HS6ST2: variants seen among roughly 807,000 people sequenced by gnomAD.
HS6ST2 encodes heparan sulfate 6-O-sulfotransferase 2.
Under a neutral mutation model 33.0 loss-of-function variants are expected in HS6ST2, and 17 were observed. That is an observed-to-expected ratio of 0.52 (90% confidence interval 0.35 to 0.77). HS6ST2 has a LOEUF of 0.77. Ranked by LOEUF, HS6ST2 falls within the 30% of genes least tolerant of loss-of-function variation. The pLI, the probability that HS6ST2 is intolerant of heterozygous loss-of-function variation, is 0.01. For synonymous variants in HS6ST2, 248 were observed against 237.1 expected (o/e 1.05, Z -0.42); for missense variants, 519 against 551.7 (o/e 0.94, Z 0.59).
At chrX:132,692,740 A>G (rs2064076568) in intron 3 of HS6ST2, among the ~76,000 whole-genome samples, 1 of 112,024 alleles carries the variant, frequency 8.9e-6, no homozygotes, top group Non-Finnish European at 1.9e-5. Context: ...CTACAGCCTC[A>G]GGCAACAACA....
At chrX:132,812,405 A>AAATAATAATAAC (rs373934376) in intron 2 of HS6ST2, among the ~76,000 whole-genome samples, 11,713 of 84,845 alleles carry the variant, frequency 0.14, 714 homozygotes, top group Non-Finnish European at 0.17. Flanking sequence ...ACTCTGTCTC[A>AAATAATAATAAC]AATAATAATA....
chrX:132,803,808 C>T (rs766104809), intron 2 of HS6ST2, among the ~76,000 whole-genome samples: 14 of 111,946 alleles, frequency 1.3e-4, no homozygotes, highest in South Asian at 3.8e-4. Context: ...CTATAACATA[C>T]GTATACAAAT....
rs59348727 is a variant in HS6ST2, at chrX:132,723,980, C to CA, written c.948-15487dup. The stretch of plus-strand genomic sequence containing the variant: ...TGAAACCCCATCTCTACTAAAAATA[C>CA]AAAAAAAAAATTAGCCAGGTGTGGT... On this transcript the variant is annotated intron_variant, in intron 2 of 4. Coordinates refer to ENST00000370833, the MANE Select transcript of HS6ST2 (RefSeq NM_001394073.1). 7.4e-3 allele frequency among the ~76,000 whole-genome samples: 789 copies of CA among 106,832 alleles called. 5 individuals carry two copies. Among genetic ancestry groups the CA allele is most frequent in the African/African-American group, 0.025 (723 of 29,408 alleles). 92.8% of individuals were successfully genotyped at this position (106,832 alleles called of 115,157 possible).
At chrX:132,881,324 T>C (rs1316462403) in intron 2 of HS6ST2, among the ~76,000 whole-genome samples, 1 of 111,157 alleles carries the variant, frequency 9.0e-6, no homozygotes, top group African/African-American at 3.3e-5. Context: ...CCATTCTAAC[T>C]GGTGTGAGAT....
chrX:132,854,405 G>A (rs1358946292), intron 2 of HS6ST2, among the ~76,000 whole-genome samples: 1 of 112,696 alleles, frequency 8.9e-6, no homozygotes, highest in Non-Finnish European at 1.9e-5. Flanking sequence ...CCTGGTATCT[G>A]CTTCTAACAA....
intron 2 of HS6ST2, among the ~76,000 whole-genome samples, chrX:132,927,752 G>A (rs191135346): frequency 9.1e-6 from 1 of 110,151 alleles, no homozygotes; most frequent in Non-Finnish European, 1.9e-5. Flanking sequence ...AGCTACTCTG[G>A]AGGCTGAGAG....
intron 4 of HS6ST2, among the ~76,000 whole-genome samples, chrX:132,639,780 A>G (rs1370217994): frequency 8.9e-6 from 1 of 111,759 alleles, no homozygotes; most frequent in Non-Finnish European, 1.9e-5. Context: ...GCTCCATGCC[A>G]CAGTGGATGG....
At chrX:132,807,933 G>T (rs1363957153) in intron 2 of HS6ST2, among the ~76,000 whole-genome samples, 1 of 111,816 alleles carries the variant, frequency 8.9e-6, no homozygotes, top group Non-Finnish European at 1.9e-5. Context: ...CCAAAGGAAA[G>T]CCTCCTGAAA....
chrX:132,655,525 G>C (rs1444968382), intron 4 of HS6ST2, among the ~76,000 whole-genome samples: 1 of 111,359 alleles, frequency 9.0e-6, no homozygotes, highest in Non-Finnish European at 1.9e-5. Context: ...CTAGAGCTGG[G>C]ATAGAAATAC....
intron 4 of HS6ST2, among the ~76,000 whole-genome samples, chrX:132,647,622 A>G (rs1045138194): frequency 2.9e-4 from 32 of 112,246 alleles, no homozygotes; most frequent in African/African-American, 1.0e-3. Flanking sequence ...TCTCCTCCCT[A>G]TACCCATTGG....
At chrX:132,678,940 CAA>C (rs972011431) in intron 3 of HS6ST2, among the ~76,000 whole-genome samples, 2 of 112,224 alleles carry the variant, frequency 1.8e-5, no homozygotes, top group African/African-American at 6.5e-5. Context: ...TTAACTGAGC[CAA>C]AGAGTGAGGC....
chrX:132,877,235 T>C (rs1423812929), intron 2 of HS6ST2, among the ~76,000 whole-genome samples: 1 of 112,098 alleles, frequency 8.9e-6, no homozygotes, highest in Admixed American at 9.4e-5. Context: ...TCCACATATG[T>C]TATTCTACTT....
chrX:132,790,763 AC>A (rs1365609100), intron 2 of HS6ST2, among the ~76,000 whole-genome samples: 1 of 112,366 alleles, frequency 8.9e-6, no homozygotes, highest in Non-Finnish European at 1.9e-5. Flanking sequence ...TGTTCTGGGT[AC>A]TAAGGCATTA....
rs1195168624 is a variant in HS6ST2, at chrX:132,928,119, C to CT, written c.947+28688dup. Among the ~76,000 whole-genome samples the CT allele has an allele frequency of 8.8e-3, 842 of 95,530 alleles. 5 individuals carry two copies. Among genetic ancestry groups the CT allele is most frequent in the Middle Eastern group, 0.036 (7 of 196 alleles). The allele number at this position is 95,530 out of a possible 115,157, so 83.0% of individuals were successfully genotyped here. ...AGTGGTCAAGAGTAGTTGCCACACA[C>CT]TTTTTTTTTTTTTTTTTGAGACGGA... On this transcript the variant is annotated intron_variant, in intron 2 of 4. Coordinates refer to ENST00000370833, the MANE Select transcript of HS6ST2 (RefSeq NM_001394073.1).
At position 132,725,632 on chromosome X, in the gene HS6ST2, C is replaced by T. The variant is rs368588535; in HGVS notation, c.948-17138G>A. On this transcript the variant is annotated intron_variant, in intron 2 of 4. Transcript: ENST00000370833. The stretch of plus-strand genomic sequence containing the variant: ...TCCTCAAAAACTAAAAATAGAGCTA[C>T]CATATGATCCAGCAATTCCACTGCT... Among the ~76,000 whole-genome samples, 9 of 111,964 alleles carry T rather than the reference C, an allele frequency of 8.0e-5. No individual in the cohort carries two copies. In the East Asian group the frequency reaches 2.0e-3, roughly 24 times the overall value.
At chrX:132,925,042 C>G (rs1055357899) in intron 2 of HS6ST2, among the ~76,000 whole-genome samples, 2 of 111,291 alleles carry the variant, frequency 1.8e-5, no homozygotes, top group African/African-American at 6.5e-5. Context: ...GATCGCGCCA[C>G]TGCACTCCAG....
At chrX:132,874,310 G>A (rs1056239489) in intron 2 of HS6ST2, among the ~76,000 whole-genome samples, 2 of 112,651 alleles carry the variant, frequency 1.8e-5, no homozygotes, top group African/African-American at 3.2e-5. Flanking sequence ...GGGCATGGTG[G>A]CTCACTCCTG....
chrX:132,955,164 T>A (rs1285265725), intron 2 of HS6ST2, among the ~76,000 whole-genome samples: 1 of 112,489 alleles, frequency 8.9e-6, no homozygotes, highest in Non-Finnish European at 1.9e-5. Flanking sequence ...TCTGTCAGTA[T>A]GAGAAATTCT....
chrX:132,944,457 C>T (rs1286788080), intron 2 of HS6ST2, among the ~76,000 whole-genome samples: 25 of 111,485 alleles, frequency 2.2e-4, no homozygotes, highest in Non-Finnish European at 3.6e-4. Context: ...CAATGCCATC[C>T]CCATCAAGCT....
Sources: gnomAD v4.1 joint callset for allele counts (sites outside exome capture counted in the v4.1 genomes callset) on GRCh38, gnomAD v4.1.1 for gene constraint, MANE v1.5 for transcripts, NCBI Gene and HGNC (gene_info 2026-07-23, HGNC 2026-07-21) for gene names.